PNLDC1: variants seen among roughly 807,000 people sequenced by gnomAD.
The protein encoded by PNLDC1 is poly(A)-specific ribonuclease PNLDC1.
PNLDC1 carries 70 observed loss-of-function variants against 82.0 expected under a neutral mutation model. The ratio of observed to expected loss-of-function variants is 0.85; its 90% CI spans 0.70 to 1.04. The LOEUF is 1.04. PNLDC1 is among the 50% of genes least tolerant of loss of function. The probability of loss-of-function intolerance (pLI) is 0.00; values close to 1 mark genes in which losing one functional copy is unlikely to be tolerated. For synonymous variants in PNLDC1, 280 were observed against 249.3 expected (o/e 1.12, Z -1.16); for missense variants, 631 against 661.1 (o/e 0.95, Z 0.50).
chr6:159,815,677 A>G (rs980159042), intron 12 of PNLDC1, among the ~76,000 whole-genome samples: 1 of 152,180 alleles, frequency 6.6e-6, no homozygotes, highest in Non-Finnish European at 1.5e-5. Flanking sequence ...ACAGGCCACT[A>G]GACAGCTCCG....
chr6:159,802,303 C>T (rs1163326282), intron 3 of PNLDC1, among the ~76,000 whole-genome samples: 1 of 151,896 alleles, frequency 6.6e-6, no homozygotes, highest in Admixed American at 6.6e-5. Context: ...CTCTCCCGCA[C>T]CATTGGGTTT....
chr6:159,807,354 A>G (rs901360239), intron 7 of PNLDC1, among the ~76,000 whole-genome samples: 1 of 152,050 alleles, frequency 6.6e-6, no homozygotes, highest in African/African-American at 2.4e-5. Context: ...AGATGATGCC[A>G]CTGCACTCCA....
At chr6:159,800,950 G>C (rs560883279) in intron 2 of PNLDC1, 121 bp downstream of exon 2, 101 of 1,477,014 alleles carry the variant, frequency 6.8e-5, no homozygotes, top group Non-Finnish European at 3.0e-5. Context: ...CTACGTGTTG[G>C]AGGACCTTGC....
At chr6:159,808,655 A>C (rs759690881) in intron 7 of PNLDC1, 85 bp from the exon 8 acceptor site, 24 of 1,288,884 alleles carry the variant, frequency 1.9e-5, no homozygotes, top group Non-Finnish European at 2.4e-5. Context: ...TTTCCATCTC[A>C]GCTTCTGCTC....
At chr6:159,815,638 G>A (rs4708848) in intron 12 of PNLDC1, among the ~76,000 whole-genome samples, 111,051 of 152,118 alleles carry the variant, frequency 0.73, 41,181 homozygotes, top group African/African-American at 0.83. Flanking sequence ...TTTACAAGAG[G>A]CAGGCATAAT....
At chr6:159,809,514 G>A (rs1026627334) in intron 9 of PNLDC1, among the ~76,000 whole-genome samples, 32 of 147,506 alleles carry the variant, frequency 2.2e-4, no homozygotes, top group African/African-American at 7.7e-4. Context: ...GAGTGGTCTC[G>A]AACTCCTGGG....
chr6:159,816,452 T>G, intron 13 of PNLDC1, 91 bp from the exon 14 acceptor site: 110 of 1,179,686 alleles, frequency 9.3e-5, no homozygotes, highest in Non-Finnish European at 1.2e-4. Flanking sequence ...GGAGGTTGTA[T>G]GAGCTGCAGC....
intron 11 of PNLDC1, 100 bp downstream of exon 11, chr6:159,811,886 T>C: frequency 2.4e-6 from 1 of 424,232 alleles, no homozygotes; most frequent in Non-Finnish European, 3.4e-6. Flanking sequence ...TTTTGTTTTT[T>C]TTGTTTTGTT....
chr6:159,813,558 A>G lies in PNLDC1; in HGVS notation c.940-43A>G, dbSNP rs375826844. On this transcript the variant is annotated intron_variant, in intron 11 of 18. Transcript: ENST00000392167. Reference sequence around the variant, plus strand: ...TACTGCCTGAAACAGAGAATAAACAAAAGCGCAAATGTTTTCCTCTGGTTT... The same window carrying G: ...TACTGCCTGAAACAGAGAATAAACAGAAGCGCAAATGTTTTCCTCTGGTTT... 1.7e-4 allele frequency: 260 copies of G among 1,563,040 alleles called. No homozygotes were observed. The African/African-American group carries it at 2.6e-3, about 15-fold the overall frequency.
At chr6:159,814,532 A>AC (rs1333002647) in intron 12 of PNLDC1, among the ~76,000 whole-genome samples, 1 of 151,980 alleles carries the variant, frequency 6.6e-6, no homozygotes, top group African/African-American at 2.4e-5. Flanking sequence ...ACCTATGGGC[A>AC]CCTTCAACTT....
chr6:159,817,932 C>G (rs138395025), intron 15 of PNLDC1, among the ~76,000 whole-genome samples: 10 of 152,376 alleles, frequency 6.6e-5, no homozygotes, highest in African/African-American at 2.4e-4. Context: ...ATGTGCCAGC[C>G]TAACCCCCTC....
In PNLDC1 at chr6:159,817,426, G is replaced by A. The variant is rs1434408410; in HGVS notation, c.1157+275G>A. Reference sequence around the variant, plus strand: ...CAGGAGGCCAAGGCAGTGGGGTTAGGCTTAGGTTCTGACACCTGTCTCAGT... The same window carrying A: ...CAGGAGGCCAAGGCAGTGGGGTTAGACTTAGGTTCTGACACCTGTCTCAGT... On this transcript the variant is annotated intron_variant, in intron 15 of 18. Transcript: ENST00000392167. Among the ~76,000 whole-genome samples the A allele has an allele frequency of 2.0e-5, 3 of 152,304 alleles. No individual in the cohort carries two copies. The East Asian group carries it at 5.8e-4, about 29-fold the overall frequency.
Position 159,816,581 on chromosome 6 carries a change from T to C in PNLDC1, c.1099T>C (p.Phe367Leu). The C allele has an allele frequency of 6.2e-7, 1 of 1,613,476 alleles. No individual in the cohort carries two copies. The change falls in exon 14 of 19, where the codon TTC becomes CTC. Residue 367 changes from phenylalanine to leucine, a missense_variant. Phe to Leu is a conservative substitution (Grantham distance 22, BLOSUM62 0). Coordinates refer to ENST00000392167, the MANE Select transcript of PNLDC1 (RefSeq NM_001271862.2). ...CCCCCACGAAGCCGCGTATGATGCC[T>C]TCCTCTGTGGGTCAGGTAAGGATTG... ...KCPHEAAYDA[F>L]LCGSVLLKVA...
At position 159,811,791 on chromosome 6, in the gene PNLDC1, T is replaced by C. The variant is rs965774328; in HGVS notation, c.939+5T>C. 6 of 1,594,210 alleles carry C rather than the reference T, an allele frequency of 3.8e-6. No homozygotes were observed. The highest frequency in any genetic ancestry group is 5.2e-6 in the Non-Finnish European group (6 of 1,162,072). Reference sequence around the variant, plus strand: ...GTAACAAAGGATATCTGGAAGGTAATGAATAGAACTGCTTTGGGTTAAGAA... The same window carrying C: ...GTAACAAAGGATATCTGGAAGGTAACGAATAGAACTGCTTTGGGTTAAGAA... On this transcript the variant is annotated splice_donor_5th_base_variant and intron_variant, in intron 11 of 18. Coordinates refer to ENST00000392167, the MANE Select transcript of PNLDC1 (RefSeq NM_001271862.2).
rs1284450967 is a variant in PNLDC1 at position 159,820,673 on chromosome 6, T to A, written c.*156T>A. ...CCTGAACGTGAAATTCTGTCAACAC[T>A]CTCAATGATAAATCAGTCCTTAGAT... is the stretch of plus-strand genomic sequence containing the variant. On this transcript the variant is annotated 3_prime_UTR_variant, in exon 19 of 19. Coordinates refer to ENST00000392167, the MANE Select transcript of PNLDC1 (RefSeq NM_001271862.2). 1.5e-6 allele frequency: 1 copy of A among 687,872 alleles called. No homozygotes were observed. Among genetic ancestry groups the A allele is most frequent in the African/African-American group, 1.8e-5 (1 of 56,536 alleles). The allele number at this position is 687,872 out of a possible 1,614,324, so 42.6% of individuals were successfully genotyped here. A position where few individuals can be genotyped will look rare whatever the true frequency, so the allele number is the denominator to read the frequency against.
At chr6:159,810,848 G>A (rs1169218820) in intron 10 of PNLDC1, among the ~76,000 whole-genome samples, 1 of 152,164 alleles carries the variant, frequency 6.6e-6, no homozygotes, top group Non-Finnish European at 1.5e-5. Context: ...CCTGAGTTTG[G>A]GCATATTGAG....
chr6:159,812,905 C>T (rs1274583896), intron 11 of PNLDC1, among the ~76,000 whole-genome samples: 2 of 152,146 alleles, frequency 1.3e-5, no homozygotes, highest in Admixed American at 1.3e-4. Flanking sequence ...CACCTCCAGT[C>T]CTGGCTACTT....
chr6:159,817,560 C>A (rs180998309), intron 15 of PNLDC1, among the ~76,000 whole-genome samples: 3 of 152,320 alleles, frequency 2.0e-5, no homozygotes, highest in Admixed American at 1.3e-4. Context: ...ATGACATATC[C>A]TTTGTTGGGG....
At chr6:159,808,952 G>A (rs1398997261) in intron 8 of PNLDC1, 63 bp from the exon 9 acceptor site, 5 of 1,594,382 alleles carry the variant, frequency 3.1e-6, no homozygotes, top group Non-Finnish European at 4.3e-6. Flanking sequence ...GAGATGCAGA[G>A]CCATTTCTTT....
Sources: allele counts gnomAD v4.1 joint callset (sites outside exome capture counted in the v4.1 genomes callset), GRCh38; gene constraint gnomAD v4.1.1; transcripts MANE v1.5; gene names NCBI Gene and HGNC (gene_info 2026-07-23, HGNC 2026-07-21).